MYBPC1: variants seen among roughly 807,000 people sequenced by gnomAD.
The protein encoded by MYBPC1 is myosin-binding protein C, slow-type.
MYBPC1 carries 52 observed loss-of-function variants against 147.1 expected under a neutral mutation model. The observed-to-expected ratio is 0.35, with a 90% confidence interval of 0.28 to 0.45. MYBPC1 has a LOEUF of 0.45. MYBPC1 is among the 20% of genes least tolerant of loss of function. MYBPC1 has a pLI of 1.00. For synonymous variants in MYBPC1, 477 were observed against 475.9 expected, an observed-to-expected ratio of 1.00 and a Z score of -0.03; for missense variants, 1,228 against 1,440.3, an observed-to-expected ratio of 0.85 and a Z score of 2.39.
intron 6 of MYBPC1, among the ~76,000 whole-genome samples, chr12:101,630,950 C>T (rs1821250097): frequency 1.3e-5 from 2 of 152,278 alleles, no homozygotes; most frequent in South Asian, 4.1e-4. Context: ...TGTCAAAATA[C>T]ACTGCATGTG....
intron 26 of MYBPC1, among the ~76,000 whole-genome samples, chr12:101,676,109 G>A (rs1222738502): frequency 6.6e-6 from 1 of 152,074 alleles, no homozygotes; most frequent in Non-Finnish European, 1.5e-5. Context: ...CAGCTCATCA[G>A]CTATCGTTAG....
At chr12:101,617,592 G>GT (rs61669794) in intron 3 of MYBPC1, among the ~76,000 whole-genome samples, 36,391 of 151,230 alleles carry the variant, frequency 0.24, 4,658 homozygotes, top group African/African-American at 0.28. Context: ...GAATTACCCG[G>GT]TTTTTTTTTA....
chr12:101,682,629 T>G lies in MYBPC1; in HGVS notation c.3459T>G (p.Pro1153=), dbSNP rs778537300. 1 of 1,613,334 alleles carries G rather than the reference T, an allele frequency of 6.2e-7. No homozygotes were observed. Among genetic ancestry groups the G allele is most frequent in the East Asian group, 2.2e-5 (1 of 44,852 alleles). The change falls in exon 30 of 32, where the codon CCT becomes CCG. Residue 1153 remains proline (P), a synonymous_variant. Coordinates refer to ENST00000361466, the MANE Select transcript of MYBPC1 (RefSeq NM_002465.4). Reference sequence around the variant, plus strand: ...TGATATATCAAGGAGTAAATACCCCTGGACAACCAGTCTTCCTGGAGGGGC... The same window carrying G: ...TGATATATCAAGGAGTAAATACCCCGGGACAACCAGTCTTCCTGGAGGGGC... The part of the protein sequence containing the change: ...VKVIYQGVNT[P]GQPVFLEGQQ...
intron 10 of MYBPC1, among the ~76,000 whole-genome samples, chr12:101,637,683 A>G (rs1236982380): frequency 6.6e-6 from 1 of 152,168 alleles, no homozygotes; most frequent in Non-Finnish European, 1.5e-5. Context: ...TTAAAAGACT[A>G]CAAGTACAAA....
At chr12:101,689,598 G>A (rs1951389766), downstream of MYBPC1, among the ~76,000 whole-genome samples, 1 of 152,008 alleles carries the variant, frequency 6.6e-6, no homozygotes, top group Non-Finnish European at 1.5e-5. Flanking sequence ...AGGAAGGAAA[G>A]GGGAGGGAAT....
chr12:101,642,564 A>G lies in MYBPC1; in HGVS notation c.811A>G (p.Arg271Gly). ...GCTCAAGCGACTCAAGCGCATGCGC[A>G]GAGAGGAGAAGAAGAGCGCAGGTGA... ...GMLKRLKRMRREEKKSAAFAK... is the reference protein window; with the variant it reads ...GMLKRLKRMRGEEKKSAAFAK... The change falls in exon 11 of 32, where the codon AGA (arginine) becomes GGA (glycine). Residue 271 changes from arginine (R) to glycine (G), a missense_variant. Transcript: ENST00000361466. The G allele has an allele frequency of 1.9e-6, 3 of 1,612,170 alleles. No individual in the cohort carries two copies. Among genetic ancestry groups the G allele is most frequent in the Non-Finnish European group, 2.5e-6 (3 of 1,179,236 alleles).
chr12:101,604,807 G>C (rs1041250547), intron 1 of MYBPC1, among the ~76,000 whole-genome samples: 1 of 152,110 alleles, frequency 6.6e-6, no homozygotes, highest in Non-Finnish European at 1.5e-5. Context: ...TTGTCAGTCA[G>C]CATATGAAAC....
intron 1 of MYBPC1, among the ~76,000 whole-genome samples, chr12:101,612,872 G>T (rs575035725): frequency 6.6e-6 from 1 of 152,174 alleles, no homozygotes; most frequent in Non-Finnish European, 1.5e-5. Flanking sequence ...TCATGTTTTG[G>T]TTGACGATAA....
At chr12:101,678,363 T>A in intron 28 of MYBPC1, 125 bp downstream of exon 28, 2 of 1,330,620 alleles carry the variant, frequency 1.5e-6, no homozygotes, top group Non-Finnish European at 2.1e-6. Context: ...GATTAGAAGG[T>A]GGTAGTGGTG....
intron 2 of MYBPC1, among the ~76,000 whole-genome samples, chr12:101,616,991 G>A (rs930611541): frequency 1.3e-5 from 2 of 152,168 alleles, no homozygotes; most frequent in Non-Finnish European, 2.9e-5. Context: ...TTCCAAAAAT[G>A]ATCAGATTAA....
intron 24 of MYBPC1, 116 bp downstream of exon 24, chr12:101,670,525 G>A (rs1191795756): frequency 1.1e-6 from 1 of 891,412 alleles, no homozygotes; most frequent in Non-Finnish European, 1.9e-6. Context: ...CAGAGGGAGA[G>A]GAGGTAAATA....
intron 24 of MYBPC1, among the ~76,000 whole-genome samples, chr12:101,671,701 T>C (rs1294413309): frequency 1.3e-5 from 2 of 152,166 alleles, no homozygotes; most frequent in Admixed American, 6.5e-5. Context: ...CTCCACATCG[T>C]TCCTGCCACC....
downstream of MYBPC1, among the ~76,000 whole-genome samples, chr12:101,690,393 G>A (rs564843166): frequency 6.6e-6 from 1 of 152,194 alleles, no homozygotes; most frequent in Admixed American, 6.5e-5. Flanking sequence ...TCCCCTCCCA[G>A]ATATTGCTGA....
intron 11 of MYBPC1, 72 bp downstream of exon 11, chr12:101,642,657 A>G: frequency 6.6e-7 from 1 of 1,508,426 alleles, no homozygotes; most frequent in South Asian, 1.2e-5. Flanking sequence ...CGTGAACCCC[A>G]TCCCGAGCTC....
At chr12:101,617,337 C>T (rs1886361738) in intron 3 of MYBPC1, 94 bp downstream of exon 3, 1 of 1,330,492 alleles carries the variant, frequency 7.5e-7, no homozygotes, top group Non-Finnish European at 1.1e-6. Flanking sequence ...CATAGAATTT[C>T]TCTGCATTAT....
chr12:101,610,689 C>A (rs1427880935), intron 1 of MYBPC1, among the ~76,000 whole-genome samples: 1 of 152,130 alleles, frequency 6.6e-6, no homozygotes, highest in Non-Finnish European at 1.5e-5. Flanking sequence ...TCGATGTGCA[C>A]CCCACTCCTA....
intron 12 of MYBPC1, among the ~76,000 whole-genome samples, chr12:101,646,171 A>G (rs1039079327): frequency 2.6e-5 from 4 of 152,362 alleles, no homozygotes; most frequent in Admixed American, 6.5e-5. Flanking sequence ...AAAATTAAAT[A>G]GCAAATATGT....
intron 2 of MYBPC1, 98 bp from the exon 3 acceptor site, chr12:101,617,104 G>C: frequency 9.3e-7 from 1 of 1,071,976 alleles, no homozygotes. Flanking sequence ...CTGTTCTGCT[G>C]TCATTTATTT....
At chr12:101,689,078 C>T (rs556223849), downstream of MYBPC1, among the ~76,000 whole-genome samples, 4 of 152,142 alleles carry the variant, frequency 2.6e-5, no homozygotes, top group Middle Eastern at 3.4e-3. Context: ...TAAGAGAGCA[C>T]TATAACAATG....
Sources: allele counts gnomAD v4.1 joint callset (sites outside exome capture counted in the v4.1 genomes callset), GRCh38; gene constraint gnomAD v4.1.1; transcripts MANE v1.5; gene names NCBI Gene and HGNC (gene_info 2026-07-23, HGNC 2026-07-21).